The following MACROD2 variants were observed in gnomAD, a reference collection of about 807,000 sequenced individuals.
MACROD2 encodes the protein ADP-ribose glycohydrolase MACROD2.
A neutral mutation model predicts 70.4 loss-of-function variants in MACROD2; 36 were observed. The ratio of observed to expected loss-of-function variants is 0.51; its 90% CI spans 0.39 to 0.68. The LOEUF is 0.68. Among genes scored for constraint, MACROD2 ranks in the 30% least tolerant of loss-of-function variants. The probability of loss-of-function intolerance (pLI) is 0.00; values close to 1 mark genes in which losing one functional copy is unlikely to be tolerated. For synonymous variants in MACROD2, 172 were observed against 178.8 expected (o/e 0.96, Z 0.30); for missense variants, 496 against 538.4 (o/e 0.92, Z 0.78).
chr20:14,255,272 T>G (rs562466530), intron 3 of MACROD2, among the ~76,000 whole-genome samples: 1 of 151,470 alleles, frequency 6.6e-6, no homozygotes, highest in East Asian at 1.9e-4. Flanking sequence ...AAGCAAAGAG[T>G]TGGAACCAAG....
intron 2 of MACROD2, among the ~76,000 whole-genome samples, chr20:14,050,584 A>C (rs1168714349): frequency 6.6e-6 from 1 of 152,340 alleles, no homozygotes; most frequent in East Asian, 1.9e-4. Flanking sequence ...AAGGAGCACC[A>C]GAAAACCAAC....
At chr20:14,436,859 A>C (rs1388724597) in intron 3 of MACROD2, among the ~76,000 whole-genome samples, 1 of 152,242 alleles carries the variant, frequency 6.6e-6, no homozygotes, top group Non-Finnish European at 1.5e-5. Context: ...ATGTGTATTA[A>C]GCATGCACTT....
intron 4 of MACROD2, among the ~76,000 whole-genome samples, chr20:14,614,075 G>T (rs936961343): frequency 1.3e-5 from 2 of 152,026 alleles, no homozygotes; most frequent in Non-Finnish European, 2.9e-5. Context: ...TACTTTTCAT[G>T]CTGTCTCCAA....
chr20:15,299,801 T>G (rs1568703324), intron 6 of MACROD2, among the ~76,000 whole-genome samples: 1 of 152,208 alleles, frequency 6.6e-6, no homozygotes, highest in Non-Finnish European at 1.5e-5. Flanking sequence ...CTTTGACTGC[T>G]GGGTCCAGAC....
At chr20:14,927,935 A>C (rs905257050) in intron 5 of MACROD2, among the ~76,000 whole-genome samples, 2 of 152,200 alleles carry the variant, frequency 1.3e-5, no homozygotes, top group African/African-American at 4.8e-5. Flanking sequence ...AACAGTGCAG[A>C]ATGCTGGTGA....
At chr20:14,106,102 G>A (rs1434135814) in intron 3 of MACROD2, among the ~76,000 whole-genome samples, 1 of 152,182 alleles carries the variant, frequency 6.6e-6, no homozygotes, top group Non-Finnish European at 1.5e-5. Flanking sequence ...GCCACAGTGG[G>A]GTAGAGTAAC....
intron 5 of MACROD2, among the ~76,000 whole-genome samples, chr20:15,126,459 A>G (rs2076067795): frequency 6.6e-6 from 1 of 151,914 alleles, no homozygotes; most frequent in Non-Finnish European, 1.5e-5. Context: ...ATAAATTTAA[A>G]ATTATATAAA....
At chr20:15,220,738 A>T (rs1461786045) in intron 5 of MACROD2, among the ~76,000 whole-genome samples, 1 of 152,162 alleles carries the variant, frequency 6.6e-6, no homozygotes, top group South Asian at 2.1e-4. Flanking sequence ...TCCATGAGAA[A>T]CTATTTCATA....
intron 6 of MACROD2, among the ~76,000 whole-genome samples, chr20:15,385,090 T>C (rs1474169563): frequency 6.6e-6 from 1 of 152,200 alleles, no homozygotes; most frequent in Non-Finnish European, 1.5e-5. Flanking sequence ...GAGAGTCGTA[T>C]CTGAGGTAGA....
intron 8 of MACROD2, among the ~76,000 whole-genome samples, chr20:15,545,811 C>T (rs1039168478): frequency 6.6e-6 from 1 of 152,032 alleles, no homozygotes; most frequent in Non-Finnish European, 1.5e-5. Context: ...AAGCCTATGG[C>T]AAAAGAATGC....
At chr20:15,925,327 G>T (rs1200912389) in intron 10 of MACROD2, among the ~76,000 whole-genome samples, 2 of 152,188 alleles carry the variant, frequency 1.3e-5, no homozygotes, top group Non-Finnish European at 2.9e-5. Context: ...ATTGTGTACA[G>T]GATGCTTTGT....
At chr20:15,321,994 T>C (rs921777955) in intron 6 of MACROD2, among the ~76,000 whole-genome samples, 1 of 143,760 alleles carries the variant, frequency 7.0e-6, no homozygotes, top group African/African-American at 2.5e-5. Context: ...GTATTCACCA[T>C]GTTGGCCAGG....
At chr20:15,292,238 C>T (rs969192558) in intron 6 of MACROD2, among the ~76,000 whole-genome samples, 13 of 152,044 alleles carry the variant, frequency 8.6e-5, no homozygotes, top group Non-Finnish European at 1.2e-4. Context: ...AAAATTCCAA[C>T]TCTGGTGCTT....
chr20:15,179,135 G>T (rs965602912), intron 5 of MACROD2, among the ~76,000 whole-genome samples: 2 of 152,172 alleles, frequency 1.3e-5, no homozygotes, highest in Non-Finnish European at 2.9e-5. Context: ...TTTCGTGAGA[G>T]TATTGACTGG....
intron 5 of MACROD2, among the ~76,000 whole-genome samples, chr20:14,954,731 T>TATAAATAA: frequency 2.8e-5 from 1 of 35,330 alleles, no homozygotes; most frequent in East Asian, 6.1e-4. Context: ...TGTATAAATA[T>TATAAATAA]ATAAATTATA....
chr20:14,000,320 CT>C (rs964369106), intron 1 of MACROD2, among the ~76,000 whole-genome samples: 94 of 148,872 alleles, frequency 6.3e-4, no homozygotes, highest in African/African-American at 1.7e-3. Flanking sequence ...ATTAAGATAC[CT>C]TTTTTTTTTG....
chr20:15,744,456 T>G (rs990764845), intron 8 of MACROD2, among the ~76,000 whole-genome samples: 5 of 152,190 alleles, frequency 3.3e-5, no homozygotes, highest in Non-Finnish European at 5.9e-5. Flanking sequence ...TAAGTAAAGC[T>G]GGCAGAGTTA....
intron 5 of MACROD2, among the ~76,000 whole-genome samples, chr20:15,088,451 AATAT>A (rs2075769425): frequency 1.1e-5 from 1 of 88,332 alleles, no homozygotes; most frequent in African/African-American, 4.8e-5. Context: ...ATATATATAT[AATAT>A]TTTGTGTGTG....
chr20:15,473,171 A>T (rs576606902), intron 7 of MACROD2, among the ~76,000 whole-genome samples: 1 of 152,324 alleles, frequency 6.6e-6, no homozygotes, highest in African/African-American at 2.4e-5. Context: ...TAACTAAAAT[A>T]ATAAGGCCTG....
Sources: gnomAD v4.1 joint callset for allele counts (sites outside exome capture counted in the v4.1 genomes callset) on GRCh38, gnomAD v4.1.1 for gene constraint, MANE v1.5 for transcripts, NCBI Gene and HGNC (gene_info 2026-07-23, HGNC 2026-07-21) for gene names.